AMPD3: variants seen among roughly 807,000 people sequenced by gnomAD.
The protein encoded by AMPD3 is AMP deaminase 3.
A neutral mutation model predicts 82.3 loss-of-function variants in AMPD3; 57 were observed. The observed-to-expected ratio is 0.69, with a 90% CI of 0.56 to 0.86. AMPD3 has a LOEUF of 0.86. Among genes scored for constraint, AMPD3 ranks in the 40% least tolerant of loss-of-function variants. The probability of loss-of-function intolerance (pLI) is 0.00; values close to 1 mark genes in which losing one functional copy is unlikely to be tolerated. For synonymous variants in AMPD3, 381 were observed against 394.7 expected (o/e 0.97, Z 0.41); for missense variants, 870 against 1,003.8 (o/e 0.87, Z 1.80).
At chr11:10,495,308 G>C (rs1849360989) in intron 8 of AMPD3, 2 of 985,348 alleles carry the variant, frequency 2.0e-6, no homozygotes, top group Admixed American at 6.1e-5. Flanking sequence ...CCTGAACCTA[G>C]CTGGGTGCAG....
chr11:10,498,302 C>T (rs1056644504), intron 10 of AMPD3: 2 of 152,378 alleles, frequency 1.3e-5, no homozygotes, highest in African/African-American at 4.8e-5. Flanking sequence ...AGGTGCCTGG[C>T]TTTGCAGGAG....
At chr11:10,454,114 C>T (rs1207911865), upstream of AMPD3, among the ~76,000 whole-genome samples, 6 of 152,194 alleles carry the variant, frequency 3.9e-5, no homozygotes, top group Non-Finnish European at 8.8e-5. Flanking sequence ...CTGCAAGAAG[C>T]AGCAACAAGT....
chr11:10,490,632 A>G, intron 6 of AMPD3: 2 of 985,330 alleles, frequency 2.0e-6, no homozygotes, highest in Non-Finnish European at 2.4e-6. Flanking sequence ...TGAAGTTTGG[A>G]TGGGGTGCTT....
rs564160732 is a variant in AMPD3, at chr11:10,470,849, A to G, written c.222-7677A>G. On this transcript the variant is annotated intron_variant, in intron 2 of 14. Transcript: ENST00000396553. ...ATGGAAAAACATTCCATGCTCATGG[A>G]TAGGAAGAATCAATATCATGAAAAT... Among the ~76,000 whole-genome samples the G allele has an allele frequency of 2.6e-5, 4 of 152,336 alleles. No homozygotes were observed. The South Asian group carries it at 8.3e-4, about 32-fold the overall frequency.
chr11:10,488,237 T>G (rs1351273600), intron 6 of AMPD3: 1 of 985,338 alleles, frequency 1.0e-6, no homozygotes, highest in Non-Finnish European at 1.2e-6. Context: ...CCATTCTCTT[T>G]TGCTGAAGCG....
intron 2 of AMPD3, among the ~76,000 whole-genome samples, chr11:10,475,293 C>T (rs970330494): frequency 6.6e-6 from 1 of 152,126 alleles, no homozygotes; most frequent in African/African-American, 2.4e-5. Flanking sequence ...GGAGATGGTG[C>T]TAGACCATTC....
intron 2 of AMPD3, among the ~76,000 whole-genome samples, chr11:10,470,917 C>T (rs1292096742): frequency 6.6e-6 from 1 of 152,162 alleles, no homozygotes; most frequent in African/African-American, 2.4e-5. Context: ...GTGCTATCCC[C>T]ATCAAGCTAC....
rs1422701553 is a variant in AMPD3, at chr11:10,484,982, T to G, written c.752T>G (p.Leu251Arg). ...QEPHSLPYPDLETYTVDMSHI... is the reference protein window; with the variant it reads ...QEPHSLPYPDRETYTVDMSHI... Reference sequence around the variant, plus strand: ...CCGCACAGCCTACCCTACCCCGACCTGGAGACCTACACGGTGGACATGAGC... The same window carrying G: ...CCGCACAGCCTACCCTACCCCGACCGGGAGACCTACACGGTGGACATGAGC... The change falls in exon 5 of 15, where the codon CTG becomes CGG. Residue 251 changes from leucine (L) to arginine (R), a missense_variant. Leu to Arg is a moderately radical substitution (Grantham distance 102). Transcript: ENST00000396553. The G allele has an allele frequency of 6.3e-7, 1 of 1,586,600 alleles. No individual in the cohort carries two copies. Among genetic ancestry groups the G allele is most frequent in the South Asian group, 1.1e-5 (1 of 88,374 alleles).
At position 10,482,226 on chromosome 11, in the gene AMPD3, G is replaced by A. The variant is rs1345757922; in HGVS notation, c.589+1G>A. 2 of 1,611,302 alleles carry A rather than the reference G, an allele frequency of 1.2e-6. No homozygotes were observed. Among genetic ancestry groups the A allele is most frequent in the Non-Finnish European group, 1.7e-6 (2 of 1,179,094 alleles). On this transcript the variant is annotated splice_donor_variant, in intron 4 of 14. Transcript: ENST00000396553. LOFTEE classifies it high-confidence loss of function. ...GCACCTCCGGAAGAGGGCCTTCCAG[G>A]TATGGAGCTCTGGCTGGAGGTTGGG...
chr11:10,487,180 A>G (rs1849097422), intron 5 of AMPD3, 55 bp from the exon 6 acceptor site: 1 of 1,611,688 alleles, frequency 6.2e-7, no homozygotes, highest in Admixed American at 1.7e-5. Context: ...GAGGCCTCCA[A>G]ACTGGAGAGC....
chr11:10,482,824 C>T (rs1391627860), intron 4 of AMPD3, among the ~76,000 whole-genome samples: 2 of 152,126 alleles, frequency 1.3e-5, no homozygotes, highest in African/African-American at 4.8e-5. Flanking sequence ...CTGCGCCTGG[C>T]CTCATGTGGC....
intron 4 of AMPD3, among the ~76,000 whole-genome samples, chr11:10,483,744 T>C (rs1311060829): frequency 6.6e-6 from 1 of 152,232 alleles, no homozygotes; most frequent in African/African-American, 2.4e-5. Flanking sequence ...CATCAGCCCC[T>C]CTGTGGCTCC....
In AMPD3 at chr11:10,502,904, T is replaced by G; in HGVS notation, c.2016+10T>G. Reference sequence around the variant, plus strand: ...GTTCCACTACACGAAGGTAAGGACTTTGGGGTGAGGACAGTAGTGCTTCAG... The same window carrying G: ...GTTCCACTACACGAAGGTAAGGACTGTGGGGTGAGGACAGTAGTGCTTCAG... On this transcript the variant is annotated intron_variant, in intron 13 of 14. Transcript: ENST00000396553. 6.2e-7 allele frequency: 1 copy of G among 1,613,980 alleles called. No homozygotes were observed. The highest frequency in any genetic ancestry group is 8.5e-7 in the Non-Finnish European group (1 of 1,179,892).
chr11:10,481,718 T>G (rs1848912127), intron 3 of AMPD3: 1 of 160,734 alleles, frequency 6.2e-6, no homozygotes, highest in Non-Finnish European at 1.3e-5. Flanking sequence ...ACCAAATACC[T>G]CCAGCATCAC....
chr11:10,450,790 C>A, upstream of AMPD3: 1 of 1,174,056 alleles, frequency 8.5e-7, no homozygotes, highest in Non-Finnish European at 1.1e-6. Context: ...GGGCTGCACG[C>A]GGCTGGCCGG....
chr11:10,468,656 G>T (rs1848492935), intron 2 of AMPD3, among the ~76,000 whole-genome samples: 1 of 150,800 alleles, frequency 6.6e-6, no homozygotes, highest in South Asian at 2.1e-4. Context: ...CTCAGCTCTG[G>T]AACAAGCTCC....
rs1848089408 is a variant in AMPD3, at chr11:10,456,248, G to T, written c.-6+800G>T. The T allele has an allele frequency of 6.6e-7, 1 of 1,521,240 alleles. No individual in the cohort carries two copies. The highest frequency in any genetic ancestry group is 1.3e-5 in the South Asian group (1 of 76,138). The allele number at this position is 1,521,240 out of a possible 1,614,324, so 94.2% of individuals were successfully genotyped here. On this transcript the variant is annotated intron_variant, in intron 1 of 14. Transcript: ENST00000396553. This position sits in a 1 kb window ranked among gnomAD's most constrained non-coding sequence, Gnocchi z 4.3. ...CTGGCTCACTGCTGCTCACAGATAT[G>T]CAAAACAGAGACCTCCTACTCCAGC...
chr11:10,451,981 G>T (rs552698147), upstream of AMPD3, among the ~76,000 whole-genome samples: 3 of 152,264 alleles, frequency 2.0e-5, no homozygotes, highest in South Asian at 6.2e-4. Context: ...GCCTGGCCTG[G>T]CTGCAGCTTC....
intron 4 of AMPD3, among the ~76,000 whole-genome samples, chr11:10,482,890 G>C (rs1001652951): frequency 6.6e-6 from 1 of 152,214 alleles, no homozygotes; most frequent in East Asian, 1.9e-4. Flanking sequence ...AGGGTGGATC[G>C]GGGTGGGAGT....
Sources: allele counts gnomAD v4.1 joint callset (sites outside exome capture counted in the v4.1 genomes callset), GRCh38; gene constraint gnomAD v4.1.1; non-coding constraint Gnocchi (gnomAD v3.1); transcripts MANE v1.5; gene names NCBI Gene and HGNC (gene_info 2026-07-23, HGNC 2026-07-21).